RIMS2: variants seen among roughly 807,000 people sequenced by gnomAD.
RIMS2 encodes regulating synaptic membrane exocytosis 2.
RIMS2 carries 59 observed loss-of-function variants against 174.4 expected under a neutral mutation model. That is an observed-to-expected ratio of 0.34 (90% CI 0.27 to 0.42). RIMS2 has a LOEUF of 0.42. Among genes scored for constraint, RIMS2 ranks in the 10% least tolerant of loss-of-function variants. RIMS2 has a pLI of 1.00. For missense variants in RIMS2, 1,620 were observed against 1,666.3 expected (o/e 0.97, Z 0.48); for synonymous variants, 606 against 572.5 (o/e 1.06, Z -0.84).
At chr8:103,787,507 AT>A (rs1189778607) in intron 3 of RIMS2, among the ~76,000 whole-genome samples, 4 of 151,334 alleles carry the variant, frequency 2.6e-5, no homozygotes, top group Non-Finnish European at 4.4e-5. Context: ...TCTGTAAAGT[AT>A]TTTATTTCTC....
At chr8:103,545,541 A>G (rs1233405293) in intron 1 of RIMS2, among the ~76,000 whole-genome samples, 2 of 152,200 alleles carry the variant, frequency 1.3e-5, no homozygotes, top group African/African-American at 4.8e-5. Context: ...GTGAGATACT[A>G]TACAAGATGA....
intron 2 of RIMS2, 132 bp downstream of exon 4, chr8:103,697,428 G>T: frequency 1.3e-6 from 1 of 765,874 alleles, no homozygotes; most frequent in Non-Finnish European, 2.2e-6. Flanking sequence ...AATGCTTGTG[G>T]CCAGACACGA....
intron 19 of RIMS2, among the ~76,000 whole-genome samples, chr8:104,029,311 A>G (rs1162667758): frequency 6.6e-6 from 1 of 152,126 alleles, no homozygotes; most frequent in Non-Finnish European, 1.5e-5. Context: ...CATCCTGGGA[A>G]TGTAGCCCAG....
At chr8:103,504,846 CTTTTTTTTTT>C (rs11367763) in intron 1 of RIMS2, among the ~76,000 whole-genome samples, 1 of 95,094 alleles carries the variant, frequency 1.1e-5, no homozygotes, top group African/African-American at 4.5e-5. Context: ...TTCTTTCTTT[CTTTTTTTTTT>C]TTTTTTTTTG....
chr8:103,529,219 T>G (rs1835709935), intron 1 of RIMS2, among the ~76,000 whole-genome samples: 1 of 148,990 alleles, frequency 6.7e-6, no homozygotes, highest in Admixed American at 6.6e-5. Flanking sequence ...TAAGAATGCT[T>G]GTGATTTTTG....
At chr8:104,068,731 ATATTATTAAGTGCTAAAATT>A in intron 19 of RIMS2, 119 bp downstream of exon 23, 2 of 596,332 alleles carry the variant, frequency 3.4e-6, no homozygotes, top group Non-Finnish European at 5.9e-6. Flanking sequence ...TGGCCCCATG[ATATTATTAAGTGCTAAAATT>A]TATGTGTTTG....
chr8:103,920,405 CA>C (rs2077384155), intron 9 of RIMS2, among the ~76,000 whole-genome samples: 1 of 152,040 alleles, frequency 6.6e-6, no homozygotes. Context: ...ACGACAACAA[CA>C]ACAACAAAAA....
intron 2 of RIMS2, among the ~76,000 whole-genome samples, chr8:103,713,638 T>A (rs1205684034): frequency 6.6e-6 from 1 of 152,212 alleles, no homozygotes; most frequent in African/African-American, 2.4e-5. Flanking sequence ...ATCTTCTAAT[T>A]GGTCTCTCTG....
At chr8:103,768,432 T>C in intron 3 of RIMS2, 2 of 762,094 alleles carry the variant, frequency 2.6e-6, no homozygotes, top group Non-Finnish European at 4.9e-6. Flanking sequence ...TATGTGGTCC[T>C]AATCAGTGGT....
At chr8:103,589,053 G>C (rs1396995346) in intron 1 of RIMS2, among the ~76,000 whole-genome samples, 2 of 151,540 alleles carry the variant, frequency 1.3e-5, no homozygotes, top group Non-Finnish European at 3.0e-5. Flanking sequence ...GTCCTACCTA[G>C]AGCATTCAGA....
chr8:103,785,796 G>T (rs1172227055), intron 3 of RIMS2, among the ~76,000 whole-genome samples: 3 of 152,210 alleles, frequency 2.0e-5, no homozygotes, highest in African/African-American at 7.2e-5. Flanking sequence ...AAAAGAGTTA[G>T]GGAGGATTCC....
intron 2 of RIMS2, among the ~76,000 whole-genome samples, chr8:103,750,539 G>C (rs2097874951): frequency 1.3e-5 from 2 of 152,086 alleles, no homozygotes; most frequent in South Asian, 4.1e-4. Context: ...GATACGGTTT[G>C]GCTTTGTGTC....
chr8:103,501,408 T>G, intron 1 of RIMS2: 7 of 156,210 alleles, frequency 4.5e-5, no homozygotes, highest in East Asian at 1.9e-4. Flanking sequence ...ACCCTCTCCT[T>G]TCCCGCCGCG....
intron 1 of RIMS2, among the ~76,000 whole-genome samples, chr8:103,598,767 G>A (rs1281831860): frequency 6.6e-6 from 1 of 152,136 alleles, no homozygotes; most frequent in Non-Finnish European, 1.5e-5. Flanking sequence ...ACAGAATTCT[G>A]AGGTTTCAAC....
intron 19 of RIMS2, among the ~76,000 whole-genome samples, chr8:104,236,964 TG>T (rs2099262217): frequency 6.6e-6 from 1 of 152,114 alleles, no homozygotes; most frequent in African/African-American, 2.4e-5. Context: ...AAACTGGATG[TG>T]GGGGTGCTAG....
intron 1 of RIMS2, among the ~76,000 whole-genome samples, chr8:103,556,284 G>A (rs797008050): frequency 1.5e-4 from 23 of 152,130 alleles, no homozygotes; most frequent in African/African-American, 5.1e-4. Flanking sequence ...ATCAAAACTT[G>A]TGCACCATGA....
chr8:103,812,230 C>T (rs933733186), intron 3 of RIMS2, among the ~76,000 whole-genome samples: 2 of 150,564 alleles, frequency 1.3e-5, no homozygotes, highest in Non-Finnish European at 3.0e-5. Context: ...TTGTAGTGTG[C>T]TTATTTAGCT....
intron 4 of RIMS2, among the ~76,000 whole-genome samples, chr8:103,899,433 T>C (rs953386178): frequency 2.6e-5 from 4 of 151,852 alleles, no homozygotes; most frequent in African/African-American, 9.7e-5. Flanking sequence ...CATGAGATGG[T>C]ATCTCATTGT....
At chr8:103,749,345 C>A (rs544164197) in intron 2 of RIMS2, among the ~76,000 whole-genome samples, 1 of 151,932 alleles carries the variant, frequency 6.6e-6, no homozygotes, top group African/African-American at 2.4e-5. Context: ...ATCTCCTGAC[C>A]TCGTGATCCG....
Sources: gnomAD v4.1 joint callset for allele counts (sites outside exome capture counted in the v4.1 genomes callset) on GRCh38, gnomAD v4.1.1 for gene constraint, MANE v1.5 for transcripts, NCBI Gene and HGNC (gene_info 2026-07-23, HGNC 2026-07-21) for gene names.